The following EPHB4 variants were observed in gnomAD, a reference collection of about 807,000 sequenced individuals.
EPHB4 encodes ephrin type-B receptor 4.
Under a neutral mutation model 110.6 loss-of-function variants are expected in EPHB4, and 50 were observed. The observed-to-expected ratio is 0.45, with a 90% CI of 0.36 to 0.57. The LOEUF (loss-of-function observed/expected upper bound fraction) is 0.57, where lower values mean the gene tolerates loss of function less well. EPHB4 is among the 20% of genes least tolerant of loss of function. The probability of loss-of-function intolerance (pLI) is 0.00; values close to 1 mark genes in which losing one functional copy is unlikely to be tolerated. For synonymous variants in EPHB4, 592 were observed against 578.4 expected (o/e 1.02, Z -0.34); for missense variants, 1,128 against 1,382.1 (o/e 0.82, Z 2.91).
chr7:100,819,507 G>A (rs1453771618), intron 6 of EPHB4, 50 bp downstream of exon 6: 1 of 1,517,534 alleles, frequency 6.6e-7, no homozygotes, highest in East Asian at 2.3e-5. Flanking sequence ...CAGGCCCTCA[G>A]TGACATCTCT....
At chr7:100,826,867 G>C in intron 1 of EPHB4, 112 bp downstream of exon 1, 1 of 1,248,712 alleles carries the variant, frequency 8.0e-7, no homozygotes. Context: ...GTTTGGGACT[G>C]CAGTGCCCGG....
rs1813257219 is a variant in EPHB4, at chr7:100,822,393, G to C, written c.686C>G (p.Pro229Arg). ...GAGGCTGGGGCTGGGGCCAGGGGCG[G>C]GGACGGCATCCACCACGCAGCTACC... ...VAGSCVVDAVPAPGPSPSLYC... is the reference protein window; with the variant it reads ...VAGSCVVDAVRAPGPSPSLYC... The change falls in exon 4 of 17, where the codon CCC becomes CGC. Residue 229 changes from proline (P) to arginine (R), a missense_variant. Pro to Arg is a moderately radical substitution (Grantham distance 103). Around this residue, in one of 3 missense-constraint regions of EPHB4, gnomAD observed 728 missense variants for 828.6 expected, o/e 0.88. Coordinates refer to ENST00000358173, the MANE Select transcript of EPHB4 (RefSeq NM_004444.5). The surrounding 1 kb of genome is among the most constrained non-coding windows in gnomAD (Gnocchi z 4.7). The C allele has an allele frequency of 6.3e-7, 1 of 1,575,570 alleles. No homozygotes were observed. Among genetic ancestry groups the C allele is most frequent in the African/African-American group, 1.3e-5 (1 of 74,610 alleles).
intron 4 of EPHB4, chr7:100,820,885 C>A (rs1329238567): frequency 6.6e-6 from 1 of 150,530 alleles, no homozygotes; most frequent in African/African-American, 2.4e-5. Flanking sequence ...TTTTTTTTTC[C>A]TGAGAAGGAG....
chr7:100,806,368 C>G, intron 14 of EPHB4, 52 bp downstream of exon 14: 1 of 1,571,376 alleles, frequency 6.4e-7, no homozygotes, highest in South Asian at 1.2e-5. Flanking sequence ...CACCCCAAAT[C>G]CCAGGTGAGA....
At chr7:100,815,866 T>C (rs1349849805) in intron 8 of EPHB4, among the ~76,000 whole-genome samples, 1 of 152,042 alleles carries the variant, frequency 6.6e-6, no homozygotes, top group Non-Finnish European at 1.5e-5. Flanking sequence ...CACATGCCTA[T>C]AGCCCCAGCT....
chr7:100,820,398 A>T, intron 4 of EPHB4, 102 bp from the exon 5 acceptor site: 1 of 1,386,694 alleles, frequency 7.2e-7, no homozygotes, highest in Admixed American at 2.4e-5. Flanking sequence ...TGGGAGGCTG[A>T]GGCTGGAGGA....
Position 100,823,813 on chromosome 7 carries a change from C to A in EPHB4, c.242G>T (p.Arg81Leu). Reference sequence around the variant, plus strand: ...CGTGGCGTACACGTGGACGGCGCCCCGCCGTGGGACCCAACCTGTGCGAAG... The same window carrying A: ...CGTGGCGTACACGTGGACGGCGCCCAGCCGTGGGACCCAACCTGTGCGAAG... ...HWLRTGWVPR[R>L]GAVHVYATLR... is the part of the protein sequence containing the mutation. The change falls in exon 3 of 17, where the codon CGG (arginine) becomes CTG (leucine). Residue 81 changes from arginine (R) to leucine (L), a missense_variant. By Grantham distance (102) the Arg-to-Leu change is moderately radical. This residue lies in a region of EPHB4 where 728 missense variants were observed against 828.6 expected (regional missense o/e 0.88). Coordinates refer to ENST00000358173, the MANE Select transcript of EPHB4 (RefSeq NM_004444.5). 3 of 1,613,258 alleles carry A rather than the reference C, an allele frequency of 1.9e-6. No individual in the cohort carries two copies. Among genetic ancestry groups the A allele is most frequent in the Non-Finnish European group, 1.7e-6 (2 of 1,179,914 alleles).
In EPHB4 at chr7:100,806,306, T is replaced by A. The variant is rs550797013; in HGVS notation, c.2484+114A>T. ...CAAAGATCAATTCTCCTTTTTGTCA[T>A]CTCCATGGTCTCAAGAACCCAGCAG... On this transcript the variant is annotated intron_variant, in intron 14 of 16. Transcript: ENST00000358173. 223 of 1,290,132 alleles carry A rather than the reference T, an allele frequency of 1.7e-4. No individual in the cohort carries two copies. The African/African-American group carries it at 3.0e-3, about 18-fold the overall frequency. The allele number at this position is 1,290,132 out of a possible 1,614,324, so 79.9% of individuals were successfully genotyped here.
At chr7:100,811,649 C>T (rs920949606) in intron 12 of EPHB4, among the ~76,000 whole-genome samples, 3 of 151,904 alleles carry the variant, frequency 2.0e-5, no homozygotes, top group Admixed American at 6.6e-5. Context: ...GAGGGAGGCT[C>T]GCTTGAGGCC....
In EPHB4 at chr7:100,818,725, C is replaced by T. The variant is rs747927967; in HGVS notation, c.1298-81G>A. The stretch of plus-strand genomic sequence containing the variant: ...TTAAAAAAAATTTTTTTTTTCGAGA[C>T]GGAGTCGTGCTCTATCACCCAGGCT... On this transcript the variant is annotated intron_variant, in intron 6 of 16. Coordinates refer to ENST00000358173, the MANE Select transcript of EPHB4 (RefSeq NM_004444.5). 1.9e-4 allele frequency: 286 copies of T among 1,472,418 alleles called. 1 individual carries two copies. The highest frequency in any genetic ancestry group is 1.5e-4 in the Non-Finnish European group (161 of 1,108,994). 91.2% of individuals were successfully genotyped at this position (1,472,418 alleles called of 1,614,324 possible).
chr7:100,824,850 C>T (rs907672298), intron 1 of EPHB4: 2 of 153,204 alleles, frequency 1.3e-5, no homozygotes, highest in African/African-American at 2.4e-5. Context: ...GATCAGGAAG[C>T]ACTGGAGGTC....
chr7:100,804,163 A>AT (rs1320290245), intron 16 of EPHB4, among the ~76,000 whole-genome samples: 3 of 151,340 alleles, frequency 2.0e-5, no homozygotes, highest in Admixed American at 6.6e-5. Flanking sequence ...TGCCCAGCTA[A>AT]TTTTTTTGTT....
intron 7 of EPHB4, among the ~76,000 whole-genome samples, chr7:100,818,228 T>C (rs1813130475): frequency 6.6e-6 from 1 of 152,200 alleles, no homozygotes; most frequent in African/African-American, 2.4e-5. Flanking sequence ...CTCAAACTCC[T>C]AGGCTCAAGC....
rs1812726955 is a variant in EPHB4, at chr7:100,802,884, A to G, written c.*577T>C. 1 of 152,254 alleles carries G rather than the reference A, an allele frequency of 6.6e-6. No individual in the cohort carries two copies. The highest frequency in any genetic ancestry group is 1.5e-5 in the Non-Finnish European group (1 of 68,060). 9.4% of individuals were successfully genotyped at this position (152,254 alleles called of 1,614,324 possible). A position where few individuals can be genotyped will look rare whatever the true frequency, so the allele number is the denominator to read the frequency against. On this transcript the variant is annotated 3_prime_UTR_variant, in exon 17 of 17. Coordinates refer to ENST00000358173, the MANE Select transcript of EPHB4 (RefSeq NM_004444.5). ...AAGTTATGACAAGGACGGTAGAAAA[A>G]CAAAACGAAGAAACAAAAAGGGAAC...
chr7:100,816,324 C>T lies in EPHB4; in HGVS notation c.1588+868G>A, dbSNP rs992446756. 5.9e-5 allele frequency among the ~76,000 whole-genome samples: 9 copies of T among 151,270 alleles called. No individual in the cohort carries two copies. In the South Asian group the frequency reaches 6.3e-4, roughly 11 times the overall value. On this transcript the variant is annotated intron_variant, in intron 8 of 16. Transcript: ENST00000358173. ...CAGGGGTCAGGTTGTTGCTAAAAGT[C>T]AAGCCTGCGGTGAGCTTTTTTTTTT...
At chr7:100,811,501 G>A (rs542798143) in intron 12 of EPHB4, among the ~76,000 whole-genome samples, 43 of 152,176 alleles carry the variant, frequency 2.8e-4, no homozygotes, top group Non-Finnish European at 4.6e-4. Context: ...CCAGTTTGCC[G>A]TGTGTATAGC....
intron 4 of EPHB4, among the ~76,000 whole-genome samples, chr7:100,821,926 C>A (rs989713055): frequency 2.8e-4 from 42 of 151,922 alleles, no homozygotes; most frequent in African/African-American, 9.9e-4. Context: ...TTTGGGAGGC[C>A]GAGGCGGGCA....
chr7:100,817,859 G>GTTTTTTTTTTTTTTT (rs33978512), intron 7 of EPHB4, among the ~76,000 whole-genome samples: 1 of 47,090 alleles, frequency 2.1e-5, no homozygotes, highest in Admixed American at 4.2e-4. Context: ...TATTTTTTGC[G>GTTTTTTTTTTTTTTT]TTTTTTTTTT....
In EPHB4 at chr7:100,810,534, G is replaced by C. The variant is rs939554427; in HGVS notation, c.2118+2213C>G. On this transcript the variant is annotated intron_variant, in intron 12 of 16. Coordinates refer to ENST00000358173, the MANE Select transcript of EPHB4 (RefSeq NM_004444.5). ...AGGAGGGAGGATCGCTTGAGTCCAG[G>C]AGTTTGAGACCAGCCTGGGCAACAT... Among the ~76,000 whole-genome samples, 4 of 151,864 alleles carry C rather than the reference G, an allele frequency of 2.6e-5. No individual in the cohort carries two copies. In the East Asian group the frequency reaches 7.8e-4, roughly 30 times the overall value.
Sources: gnomAD v4.1 joint callset for allele counts (sites outside exome capture counted in the v4.1 genomes callset) on GRCh38, gnomAD v4.1.1 for gene constraint, gnomAD v4.1.1 regional missense constraint, Gnocchi (gnomAD v3.1) non-coding constraint, MANE v1.5 for transcripts, NCBI Gene and HGNC (gene_info 2026-07-23, HGNC 2026-07-21) for gene names.